URI1: variants seen among roughly 807,000 people sequenced by gnomAD.
URI1 encodes the protein URI1 prefoldin like chaperone.
URI1 carries 39 observed loss-of-function variants against 60.2 expected under a neutral mutation model. That is an observed-to-expected ratio of 0.65 (90% CI 0.50 to 0.85). The LOEUF (loss-of-function observed/expected upper bound fraction) is 0.85. URI1 is among the 40% of genes least tolerant of loss of function. URI1 has a pLI of 0.00. For synonymous variants in URI1, 251 were observed against 236.8 expected, an observed-to-expected ratio of 1.06 and a Z score of -0.55; for missense variants, 691 against 665.9, an observed-to-expected ratio of 1.04 and a Z score of -0.42.
intron 1 of URI1, among the ~76,000 whole-genome samples, chr19:29,928,489 C>T (rs1375720834): frequency 6.6e-6 from 1 of 152,264 alleles, no homozygotes; most frequent in East Asian, 1.9e-4. Flanking sequence ...TCTCCGCCCA[C>T]TTGTTTCCAT....
intron 1 of URI1, among the ~76,000 whole-genome samples, chr19:29,943,176 C>CT (rs1431730073): frequency 1.3e-5 from 2 of 152,034 alleles, no homozygotes; most frequent in Non-Finnish European, 2.9e-5. Context: ...AACTTCTGGC[C>CT]TCAAGCGATC....
At chr19:29,944,814 G>T (rs1444301694) in intron 1 of URI1, among the ~76,000 whole-genome samples, 1 of 152,192 alleles carries the variant, frequency 6.6e-6, no homozygotes, top group African/African-American at 2.4e-5. Flanking sequence ...GTGGACAGGA[G>T]ACCCACAAGG....
intron 1 of URI1, among the ~76,000 whole-genome samples, chr19:29,936,516 G>A (rs996482251): frequency 5.3e-5 from 8 of 152,134 alleles, no homozygotes; most frequent in African/African-American, 1.7e-4. Flanking sequence ...TCTGATTTTT[G>A]ACAATCTGGC....
intron 1 of URI1, among the ~76,000 whole-genome samples, chr19:29,934,826 A>G (rs2054955205): frequency 6.6e-6 from 1 of 151,664 alleles, no homozygotes; most frequent in Admixed American, 6.6e-5. Context: ...AGGGATTGGT[A>G]GCATAAGTGC....
chr19:29,976,801 A>T (rs1364052743), intron 2 of URI1, among the ~76,000 whole-genome samples: 1 of 152,214 alleles, frequency 6.6e-6, no homozygotes, highest in Non-Finnish European at 1.5e-5. Flanking sequence ...CCTTTATTTT[A>T]AAAGGATTTT....
At chr19:30,000,852 A>G (rs2055869485) in intron 4 of URI1, among the ~76,000 whole-genome samples, 1 of 151,582 alleles carries the variant, frequency 6.6e-6, no homozygotes, top group African/African-American at 2.4e-5. Flanking sequence ...GTAATTTGAA[A>G]ATTTCCTTTT....
At chr19:29,932,585 G>A (rs2054931021) in intron 1 of URI1, among the ~76,000 whole-genome samples, 1 of 151,564 alleles carries the variant, frequency 6.6e-6, no homozygotes, top group African/African-American at 2.4e-5. Context: ...CCAAAGTGCT[G>A]GGATTACAGG....
chr19:29,983,224 A>C lies in URI1; in HGVS notation c.153-1999A>C, dbSNP rs569995904. The C allele has an allele frequency of 2.3e-4, 35 of 152,364 alleles. 1 individual carries two copies. Among genetic ancestry groups the C allele is most frequent in the African/African-American group, 8.2e-4 (34 of 41,592 alleles). The allele number at this position is 152,364 out of a possible 1,614,324, so 9.4% of individuals were successfully genotyped here. A position where few individuals can be genotyped will look rare whatever the true frequency, so the allele number is the denominator to read the frequency against. On this transcript the variant is annotated intron_variant, in intron 2 of 10. Transcript: ENST00000392271. ...TGAAGGAATGCAGGTCAGAAGACCT[A>C]GCTAGGTTAAACTCATTGCTTACCT...
chr19:29,942,105 C>A, upstream of URI1: 1 of 523,382 alleles, frequency 1.9e-6, no homozygotes, highest in Non-Finnish European at 2.5e-6. Flanking sequence ...AAACGCAGCC[C>A]AGCGCGGACA....
chr19:29,992,447 A>T (rs1242439041), intron 4 of URI1, among the ~76,000 whole-genome samples: 1 of 152,138 alleles, frequency 6.6e-6, no homozygotes, highest in African/African-American at 2.4e-5. Context: ...TAATTGATGT[A>T]CTTAGACCAT....
At chr19:29,942,209 T>C, upstream of URI1, 6 of 984,430 alleles carry the variant, frequency 6.1e-6, no homozygotes, top group Non-Finnish European at 7.2e-6. Flanking sequence ...GCCTGCGCGC[T>C]TGCTTCCGGC....
intron 4 of URI1, among the ~76,000 whole-genome samples, chr19:29,999,737 T>G (rs2055854653): frequency 1.3e-5 from 2 of 152,184 alleles, no homozygotes; most frequent in Admixed American, 1.3e-4. Context: ...TGCTCTTGAG[T>G]ATCTCCAATA....
intron 2 of URI1, among the ~76,000 whole-genome samples, chr19:29,979,712 C>T (rs2055568786): frequency 6.6e-6 from 1 of 151,874 alleles, no homozygotes; most frequent in Non-Finnish European, 1.5e-5. Flanking sequence ...TTCTGATGGA[C>T]TCATAAAATA....
intron 1 of URI1, among the ~76,000 whole-genome samples, chr19:29,943,802 A>G (rs752106612): frequency 2.6e-5 from 4 of 151,874 alleles, no homozygotes; most frequent in Admixed American, 1.3e-4. Context: ...TAATAACGCA[A>G]CTGTTAGGTT....
At chr19:29,938,980 A>AT (rs33973351), upstream of URI1, among the ~76,000 whole-genome samples, 115,361 of 142,158 alleles carry the variant, frequency 0.81, 46,733 homozygotes, top group East Asian at 0.87. Flanking sequence ...CTGGCCTACC[A>AT]TTTTTTTTTT....
chr19:29,936,350 A>AAAGT (rs1323068488), intron 1 of URI1, among the ~76,000 whole-genome samples: 3 of 148,270 alleles, frequency 2.0e-5, no homozygotes, highest in Non-Finnish European at 1.5e-5. Context: ...CGATCTGCCC[A>AAAGT]CCTCGGCCTC....
At position 30,015,243 on chromosome 19, in the gene URI1, A is replaced by G. The variant is rs2056071832; in HGVS notation, c.*174A>G. On this transcript the variant is annotated 3_prime_UTR_variant, in exon 11 of 11. Coordinates refer to ENST00000392271, the MANE Select transcript of URI1 (RefSeq NM_003796.3). Reference sequence around the variant, plus strand: ...TGAAAAAAATCAAGGTAACTGTCTGAATACTTTAATATCAGCTTGTTTTGT... The same window carrying G: ...TGAAAAAAATCAAGGTAACTGTCTGGATACTTTAATATCAGCTTGTTTTGT... 7.1e-7 allele frequency: 1 copy of G among 1,417,846 alleles called. No homozygotes were observed. The highest frequency in any genetic ancestry group is 1.6e-5 in the South Asian group (1 of 60,650). The allele number at this position is 1,417,846 out of a possible 1,614,324, so 87.8% of individuals were successfully genotyped here. A position where few individuals can be genotyped will look rare whatever the true frequency, so the allele number is the denominator to read the frequency against.
intron 1 of URI1, among the ~76,000 whole-genome samples, chr19:29,967,090 A>G (rs541744265): frequency 6.6e-6 from 1 of 152,338 alleles, no homozygotes; most frequent in African/African-American, 2.4e-5. Flanking sequence ...TGAAAATTTT[A>G]AGTACTGGAG....
chr19:30,007,120 G>C (rs2055953672), intron 6 of URI1, among the ~76,000 whole-genome samples: 1 of 152,032 alleles, frequency 6.6e-6, no homozygotes, highest in Admixed American at 6.6e-5. Flanking sequence ...AGGGTGCATT[G>C]TGGCCATTTC....
Sources: allele counts gnomAD v4.1 joint callset (sites outside exome capture counted in the v4.1 genomes callset), GRCh38; gene constraint gnomAD v4.1.1; transcripts MANE v1.5; gene names NCBI Gene and HGNC (gene_info 2026-07-23, HGNC 2026-07-21).